Variants in COXFA4 observed in about 807,000 individuals in gnomAD.
COXFA4 encodes cytochrome c oxidase subunit FA4.
At chr7:10,938,031 C>A in the COXFA4 span, 2 of 1,453,962 alleles carry the variant, frequency 1.4e-6, no homozygotes, top group Non-Finnish European at 1.9e-6. Flanking sequence ...AAACCCACCC[C>A]ATGACAAAAC....
At chr7:10,933,690 G>T in the COXFA4 span, 1 of 1,606,256 alleles carries the variant, frequency 6.2e-7, no homozygotes, top group South Asian at 1.1e-5. Context: ...TCACTGAGTA[G>T]AACTTGGAAC....
At chr7:10,939,951 G>A in the COXFA4 span, 1 of 1,581,090 alleles carries the variant, frequency 6.3e-7, no homozygotes, top group Non-Finnish European at 8.7e-7. Context: ...CCAGGGAACA[G>A]AAAGAGGCGC....
At chr7:10,936,117 T>A in the COXFA4 span, among the ~76,000 whole-genome samples, 1 of 152,208 alleles carries the variant, frequency 6.6e-6, no homozygotes, top group African/African-American at 2.4e-5. Context: ...GATAATAATC[T>A]AGTCTACCTG....
the COXFA4 span, chr7:10,932,065 T>A: frequency 6.6e-6 from 1 of 152,216 alleles, no homozygotes; most frequent in African/African-American, 2.4e-5. Context: ...CTAGAGTAAT[T>A]CTCAACAGAG....
At chr7:10,938,743 A>G in the COXFA4 span, 2 of 1,149,360 alleles carry the variant, frequency 1.7e-6, no homozygotes, top group Non-Finnish European at 2.6e-6. Flanking sequence ...ATCGCCCTAC[A>G]GAGACTGTGG....
the COXFA4 span, chr7:10,939,984 G>A: frequency 4.1e-5 from 66 of 1,613,112 alleles, no homozygotes; most frequent in Non-Finnish European, 5.4e-5. Context: ...GAAGGACAAG[G>A]GAAAACATTA....
chr7:10,939,944 G>A, the COXFA4 span: 121 of 1,550,748 alleles, frequency 7.8e-5, no homozygotes, highest in Non-Finnish European at 1.0e-4. Flanking sequence ...GACGTTCCCA[G>A]GGAACAGAAA....
At chr7:10,937,762 T>C in the COXFA4 span, 48 of 260,350 alleles carry the variant, frequency 1.8e-4, no homozygotes, top group East Asian at 4.9e-4. Flanking sequence ...TCAGAATCTC[T>C]GGGGATAAGG....
the COXFA4 span, chr7:10,940,105 A>T: frequency 6.3e-7 from 1 of 1,588,788 alleles, no homozygotes; most frequent in Middle Eastern, 1.7e-4. Context: ...CGACCTAGCC[A>T]CCAGGCCCTA....
the COXFA4 span, chr7:10,932,456 G>C: frequency 6.6e-6 from 1 of 152,194 alleles, no homozygotes; most frequent in African/African-American, 2.4e-5. Context: ...CAAAATTTTT[G>C]AGATAATCCA....
the COXFA4 span, chr7:10,938,749 T>A: frequency 8.2e-7 from 1 of 1,214,678 alleles, no homozygotes; most frequent in Non-Finnish European, 1.2e-6. Flanking sequence ...CTACAGAGAC[T>A]GTGGCTCCTA....
the COXFA4 span, among the ~76,000 whole-genome samples, chr7:10,934,700 T>G: frequency 6.6e-6 from 1 of 152,212 alleles, no homozygotes; most frequent in East Asian, 1.9e-4. Flanking sequence ...TACCCGAACT[T>G]ATTTATTTCT....
At chr7:10,939,672 C>G in the COXFA4 span, 1 of 380,722 alleles carries the variant, frequency 2.6e-6, no homozygotes, top group East Asian at 5.9e-5. Context: ...CTGACCTATG[C>G]TAGTCTCTGA....
At chr7:10,938,325 T>C in the COXFA4 span, 14 of 586,160 alleles carry the variant, frequency 2.4e-5, no homozygotes, top group African/African-American at 2.0e-4. Context: ...TGTAATCAAT[T>C]AGAAAAAAGG....
chr7:10,937,014 C>T, the COXFA4 span, among the ~76,000 whole-genome samples: 6 of 151,884 alleles, frequency 4.0e-5, no homozygotes, highest in Non-Finnish European at 7.4e-5. Context: ...CCAGCCTGGG[C>T]GACAGAGTGA....
the COXFA4 span, chr7:10,937,846 T>G: frequency 5.8e-6 from 3 of 513,116 alleles, no homozygotes; most frequent in African/African-American, 5.7e-5. Flanking sequence ...ACCTAAGAAC[T>G]AAGAAAATGG....
chr7:10,940,096 G>A, the COXFA4 span: 457 of 1,606,992 alleles, frequency 2.8e-4, 6 homozygotes, highest in East Asian at 9.9e-3. Flanking sequence ...GGAGAGAACC[G>A]ACCTAGCCAC....
the COXFA4 span, among the ~76,000 whole-genome samples, chr7:10,936,536 C>T: frequency 1.7e-4 from 26 of 152,278 alleles, no homozygotes; most frequent in Admixed American, 1.2e-3. Context: ...TAAACAAATT[C>T]ATAAACAATG....
the COXFA4 span, chr7:10,940,146 G>A: frequency 9.3e-5 from 126 of 1,353,870 alleles, no homozygotes; most frequent in Non-Finnish European, 1.2e-4. Flanking sequence ...GAGACACTAC[G>A]GACTTCCAAA....
Sources: allele counts gnomAD v4.1 joint callset (sites outside exome capture counted in the v4.1 genomes callset), GRCh38; gene constraint gnomAD v4.1.1; transcripts MANE v1.5; gene names NCBI Gene and HGNC (gene_info 2026-07-23, HGNC 2026-07-21).